SIDT1: variants seen among roughly 807,000 people sequenced by gnomAD.
The protein encoded by SIDT1 is SID1 transmembrane family member 1, also known as SID1 transmembrane family, member 1.
In SIDT1, 101 loss-of-function variants were observed where a neutral mutation model predicts 107.5. The ratio of observed to expected loss-of-function variants is 0.94; its 90% CI spans 0.80 to 1.11. The LOEUF (loss-of-function observed/expected upper bound fraction) is 1.11, where lower values mean the gene tolerates loss of function less well. SIDT1 is among the 50% of genes least tolerant of loss of function. SIDT1 has a pLI of 0.00. For missense variants in SIDT1, 1,076 were observed against 1,058.2 expected (o/e 1.02, Z -0.23); for synonymous variants, 395 against 398.2 (o/e 0.99, Z 0.10).
intron 17 of SIDT1, among the ~76,000 whole-genome samples, chr3:113,610,473 T>C (rs1945654593): frequency 6.6e-6 from 1 of 152,242 alleles, no homozygotes; most frequent in Non-Finnish European, 1.5e-5. Context: ...TTAATTTGCA[T>C]GTCCACAATT....
chr3:113,599,045 G>A (rs1048017254), intron 10 of SIDT1, among the ~76,000 whole-genome samples: 2 of 152,224 alleles, frequency 1.3e-5, no homozygotes, highest in Admixed American at 6.5e-5. Flanking sequence ...CAGGAGGATC[G>A]CCTGAACCCG....
intron 1 of SIDT1, among the ~76,000 whole-genome samples, chr3:113,562,219 G>A (rs973126619): frequency 6.6e-6 from 1 of 152,164 alleles, no homozygotes; most frequent in African/African-American, 2.4e-5. Flanking sequence ...GTGTTGGCAA[G>A]GATGTAGAGA....
intron 3 of SIDT1, 60 bp downstream of exon 3, chr3:113,567,770 C>A: frequency 6.6e-7 from 1 of 1,519,760 alleles, no homozygotes. Flanking sequence ...ATGCTCAATT[C>A]ATCTTCCATC....
At chr3:113,620,933 G>A (rs894537075) in intron 21 of SIDT1, among the ~76,000 whole-genome samples, 1 of 152,122 alleles carries the variant, frequency 6.6e-6, no homozygotes, top group Non-Finnish European at 1.5e-5. Flanking sequence ...ACAAGACAAG[G>A]CAAATGGCCT....
intron 17 of SIDT1, among the ~76,000 whole-genome samples, chr3:113,609,058 C>T (rs1274030684): frequency 5.3e-4 from 46 of 86,664 alleles, no homozygotes; most frequent in East Asian, 1.1e-3. Flanking sequence ...TGAGCCCATT[C>T]TTTTTTTTTT....
At chr3:113,550,504 T>C (rs1309448786) in intron 1 of SIDT1, among the ~76,000 whole-genome samples, 1 of 152,184 alleles carries the variant, frequency 6.6e-6, no homozygotes, top group South Asian at 2.1e-4. Context: ...TCAGTATATA[T>C]TTGTATTGAT....
At chr3:113,555,175 G>C (rs2107680522) in intron 1 of SIDT1, among the ~76,000 whole-genome samples, 1 of 152,204 alleles carries the variant, frequency 6.6e-6, no homozygotes, top group Non-Finnish European at 1.5e-5. Context: ...CTACTACACT[G>C]TAGCCTTTGT....
chr3:113,604,527 T>G (rs896627219), intron 13 of SIDT1, among the ~76,000 whole-genome samples: 1 of 152,188 alleles, frequency 6.6e-6, no homozygotes, highest in African/African-American at 2.4e-5. Context: ...CAGGTACTAC[T>G]TACACTGTTT....
intron 1 of SIDT1, among the ~76,000 whole-genome samples, chr3:113,561,416 G>A (rs912710892): frequency 9.9e-5 from 15 of 152,184 alleles, no homozygotes; most frequent in Non-Finnish European, 1.8e-4. Context: ...AGTGGATTGC[G>A]AAAGCCAGGC....
At chr3:113,544,171 TTTTGTTTGTTTGTTTGTTTG>T (rs139256393) in intron 1 of SIDT1, among the ~76,000 whole-genome samples, 3 of 131,708 alleles carry the variant, frequency 2.3e-5, no homozygotes, top group African/African-American at 6.3e-5. Context: ...TCATGAGTCT[TTTTGTTTGTTTGTTTGTTTG>T]TTTGTTTGTT....
At chr3:113,562,246 T>C (rs1020217940) in intron 1 of SIDT1, among the ~76,000 whole-genome samples, 2 of 152,224 alleles carry the variant, frequency 1.3e-5, no homozygotes, top group Non-Finnish European at 2.9e-5. Context: ...AGCCCTTATA[T>C]ATTGCTTGCT....
intron 1 of SIDT1, among the ~76,000 whole-genome samples, chr3:113,544,074 A>G (rs968736211): frequency 2.6e-4 from 39 of 151,992 alleles, no homozygotes; most frequent in Non-Finnish European, 4.3e-4. Flanking sequence ...TAATGAAAAA[A>G]GGTTTTTTGT....
At chr3:113,545,114 TAAA>T (rs554009768) in intron 1 of SIDT1, among the ~76,000 whole-genome samples, 12 of 73,970 alleles carry the variant, frequency 1.6e-4, no homozygotes, top group African/African-American at 6.4e-4. Flanking sequence ...GAGACTCTGT[TAAA>T]AAAAAAAAAA....
chr3:113,533,392 C>G, intron 1 of SIDT1, 149 bp downstream of exon 1: 1 of 589,866 alleles, frequency 1.7e-6, no homozygotes, highest in South Asian at 3.7e-5. Flanking sequence ...CAATCGCTGC[C>G]CTGCCCTAGC....
At chr3:113,554,917 A>T (rs2107679144) in intron 1 of SIDT1, among the ~76,000 whole-genome samples, 1 of 152,348 alleles carries the variant, frequency 6.6e-6, no homozygotes, top group Non-Finnish European at 1.5e-5. Flanking sequence ...GCAAGAAAGC[A>T]GCTGTTCAGC....
At chr3:113,538,825 A>G (rs72950845) in intron 1 of SIDT1, among the ~76,000 whole-genome samples, 4,589 of 152,276 alleles carry the variant, frequency 0.03, 105 homozygotes, top group African/African-American at 0.067. Flanking sequence ...AAGGCATTTC[A>G]GATACGGAAA....
At chr3:113,612,264 C>T in intron 19 of SIDT1, 70 bp downstream of exon 19, 1 of 1,100,602 alleles carries the variant, frequency 9.1e-7, no homozygotes, top group Non-Finnish European at 1.4e-6. Context: ...ACTGCCTTTA[C>T]TTATGCTGAA....
In SIDT1 at chr3:113,607,031, G is replaced by C. The variant is rs1477040546; in HGVS notation, c.1405-10G>C. On this transcript the variant is annotated splice_polypyrimidine_tract_variant and intron_variant, in intron 14 of 24. Transcript: ENST00000264852. ...AACCACATTTCCTCTTCTCACTCTT[G>C]ATTTTACAGGTGGTAAATGTCACTG... 8.2e-6 allele frequency: 13 copies of C among 1,589,744 alleles called. No individual in the cohort carries two copies. The highest frequency in any genetic ancestry group is 1.0e-5 in the Non-Finnish European group (12 of 1,157,672).
chr3:113,578,454 G>A (rs563724995), intron 4 of SIDT1, among the ~76,000 whole-genome samples: 67 of 145,134 alleles, frequency 4.6e-4, no homozygotes, highest in Middle Eastern at 3.8e-3. Flanking sequence ...GCGACAGAGC[G>A]AGACTCTGTC....
Sources: allele counts gnomAD v4.1 joint callset (sites outside exome capture counted in the v4.1 genomes callset), GRCh38; gene constraint gnomAD v4.1.1; transcripts MANE v1.5; gene names NCBI Gene and HGNC (gene_info 2026-07-23, HGNC 2026-07-21).